Variants in USP45 observed in about 807,000 individuals in gnomAD.
The protein encoded by USP45 is ubiquitin specific peptidase 45.
A neutral mutation model predicts 95.8 loss-of-function variants in USP45; 89 were observed. The ratio of observed to expected loss-of-function variants is 0.93; its 90% CI spans 0.78 to 1.11. The LOEUF is 1.11. USP45 is among the 50% of genes least tolerant of loss of function. The pLI is 0.00. For missense variants in USP45, 898 were observed against 942.5 expected (o/e 0.95, Z 0.62); for synonymous variants, 281 against 316.2 (o/e 0.89, Z 1.18).
At chr6:99,502,929 G>A (rs1797709058) in intron 5 of USP45, among the ~76,000 whole-genome samples, 1 of 152,186 alleles carries the variant, frequency 6.6e-6, no homozygotes, top group Non-Finnish European at 1.5e-5. Context: ...AAGCTGAGCT[G>A]ATGACAGCAG....
At chr6:99,504,417 G>A (rs1199732598) in intron 4 of USP45, among the ~76,000 whole-genome samples, 1 of 152,104 alleles carries the variant, frequency 6.6e-6, no homozygotes, top group East Asian at 1.9e-4. Flanking sequence ...TGGGATTACC[G>A]GTGTGAGCTA....
At chr6:99,477,390 G>A (rs1219652724) in intron 8 of USP45, among the ~76,000 whole-genome samples, 5 of 152,010 alleles carry the variant, frequency 3.3e-5, no homozygotes, top group East Asian at 1.9e-4. Context: ...TGCAACCTCC[G>A]CCTCCTGGGT....
Position 99,507,529 on chromosome 6 carries a change from T to C in USP45, c.276A>G (p.Gly92=). Residue 92 remains glycine (G), a splice_region_variant and synonymous_variant, in exon 4 of 18, where the codon GGA becomes GGG. Transcript: ENST00000500704. Reference sequence around the variant, plus strand: ...GTTGGCTTTCTGAGTTTTTACCACATCCCTGAAGATGAACAGAATTTTATT... The same window carrying C: ...GTTGGCTTTCTGAGTTTTTACCACACCCCTGAAGATGAACAGAATTTTATT... ...IWLCLKCGFQ[G]CGKNSESQHS... 1.9e-6 allele frequency: 3 copies of C among 1,594,802 alleles called. No individual in the cohort carries two copies. The highest frequency in any genetic ancestry group is 2.6e-6 in the Non-Finnish European group (3 of 1,166,624).
At chr6:99,483,223 CATT>C (rs1168273968) in intron 7 of USP45, among the ~76,000 whole-genome samples, 7 of 152,126 alleles carry the variant, frequency 4.6e-5, no homozygotes, top group Admixed American at 3.3e-4. Context: ...AATAATCATA[CATT>C]ATTTGCTAGT....
At chr6:99,504,768 C>T (rs973014251) in intron 4 of USP45, among the ~76,000 whole-genome samples, 1 of 152,126 alleles carries the variant, frequency 6.6e-6, no homozygotes, top group Admixed American at 6.6e-5. Flanking sequence ...GTTCTGACAA[C>T]TGGTGAGAGG....
At chr6:99,462,405 A>C in intron 13 of USP45, 1 of 984,324 alleles carries the variant, frequency 1.0e-6, no homozygotes, top group Non-Finnish European at 1.2e-6. Flanking sequence ...GTACCACAGA[A>C]TCTCCTAACT....
chr6:99,471,929 A>G (rs1413988908), intron 9 of USP45, among the ~76,000 whole-genome samples: 1 of 152,190 alleles, frequency 6.6e-6, no homozygotes, highest in Non-Finnish European at 1.5e-5. Flanking sequence ...GAATAGATCC[A>G]CAGACTTGAC....
At chr6:99,495,703 A>G (rs1466624025) in intron 5 of USP45, among the ~76,000 whole-genome samples, 2 of 152,228 alleles carry the variant, frequency 1.3e-5, no homozygotes, top group Middle Eastern at 3.2e-3. Flanking sequence ...GGTGATATGA[A>G]TAGCAAAGCC....
At chr6:99,436,022 T>C (rs1780405786) in intron 17 of USP45, among the ~76,000 whole-genome samples, 176 bp from the exon 18 acceptor site, 1 of 152,088 alleles carries the variant, frequency 6.6e-6, no homozygotes, top group African/African-American at 2.4e-5. Flanking sequence ...TTTTAAATTA[T>C]ATTTTTAAGT....
At chr6:99,502,159 C>A in intron 5 of USP45, 1 of 902,872 alleles carries the variant, frequency 1.1e-6, no homozygotes, top group Non-Finnish European at 1.4e-6. Context: ...TCCTTGGTTA[C>A]CAATACTCTT....
chr6:99,452,251 G>A (rs1482484947), intron 13 of USP45, among the ~76,000 whole-genome samples: 2 of 152,116 alleles, frequency 1.3e-5, no homozygotes, highest in African/African-American at 4.8e-5. Context: ...GCAACCTACA[G>A]AATGGGAGAA....
intron 15 of USP45, among the ~76,000 whole-genome samples, chr6:99,441,523 A>G (rs556582596): frequency 6.7e-6 from 1 of 149,726 alleles, no homozygotes; most frequent in Admixed American, 6.7e-5. Context: ...CAAAAGCGAA[A>G]CTCCATCTCC....
chr6:99,493,233 C>A (rs1284027356), intron 5 of USP45, among the ~76,000 whole-genome samples: 1 of 152,120 alleles, frequency 6.6e-6, no homozygotes, highest in Non-Finnish European at 1.5e-5. Flanking sequence ...ACCACGTTGG[C>A]CAGGCTGGTC....
At chr6:99,453,337 A>G (rs1277873819) in intron 13 of USP45, among the ~76,000 whole-genome samples, 2 of 152,196 alleles carry the variant, frequency 1.3e-5, no homozygotes, top group African/African-American at 4.8e-5. Context: ...AAATCAACAT[A>G]TGAAAATCAG....
In USP45 at chr6:99,464,659, A is replaced by G. The variant is rs143233214; in HGVS notation, c.1253T>C (p.Ile418Thr). The change falls in exon 13 of 18, where the codon ATA becomes ACA. Residue 418 changes from isoleucine (I) to threonine (T), a missense_variant. Ile to Thr is a moderately conservative substitution (Grantham distance 89). Transcript: ENST00000500704. ...AGCTCTAGGTTGATGAATATTTTCTATAGTAACATTGCCACTGTATCGATC... is the reference window on the plus strand; with the variant it reads ...AGCTCTAGGTTGATGAATATTTTCTGTAGTAACATTGCCACTGTATCGATC... The part of the protein sequence containing the change: ...DHDRYSGNVT[I>T]ENIHQPRAAK... 1,289 of 1,613,388 alleles carry G rather than the reference A, an allele frequency of 8.0e-4. 17 individuals carry two copies. In the South Asian group the frequency reaches 0.012, roughly 15 times the overall value.
At chr6:99,510,288 T>C in intron 1 of USP45, 58 bp from the exon 2 acceptor site, 1 of 1,234,882 alleles carries the variant, frequency 8.1e-7, no homozygotes, top group Middle Eastern at 2.1e-4. Context: ...TAAAATTTTA[T>C]ATTTTATTTA....
intron 6 of USP45, 21 bp downstream of exon 6, chr6:99,488,660 A>G (rs760279941): frequency 4.7e-5 from 74 of 1,587,992 alleles, no homozygotes; most frequent in Non-Finnish European, 6.2e-5. Context: ...ACATATTACA[A>G]AGCTTTCTGA....
intron 15 of USP45, among the ~76,000 whole-genome samples, chr6:99,440,654 G>C (rs1392697576): frequency 6.6e-6 from 1 of 152,038 alleles, no homozygotes. Context: ...TAGATCTGTT[G>C]CTTTTTTATG....
chr6:99,435,841 T>A lies in USP45; in HGVS notation c.2320A>T (p.Lys774Ter), dbSNP rs749973197. ...CCTGCTGATTCATTATCAGCCGCTT[T>A]CAAACCTAGCAAAACAAAAAGAAGT... Reference protein sequence around the residue: ...NTKKKNVPGLKAADNESAGQW... With the variant: ...NTKKKNVPGL Residue 774 changes from lysine (K) to a stop codon, truncating the protein, a stop_gained, in exon 18 of 18, where the codon AAA (lysine) becomes TAA (stop). Coordinates refer to ENST00000500704, the MANE Select transcript of USP45 (RefSeq NM_001346022.3). LOFTEE classifies it high-confidence loss of function. 6.8e-6 allele frequency: 11 copies of A among 1,607,850 alleles called. No individual in the cohort carries two copies. The highest frequency in any genetic ancestry group is 8.5e-6 in the Non-Finnish European group (10 of 1,178,214).
Sources: gnomAD v4.1 joint callset for allele counts (sites outside exome capture counted in the v4.1 genomes callset) on GRCh38, gnomAD v4.1.1 for gene constraint, MANE v1.5 for transcripts, NCBI Gene and HGNC (gene_info 2026-07-23, HGNC 2026-07-21) for gene names.